The following UBE2F variants were observed in gnomAD, a reference collection of about 807,000 sequenced individuals.
UBE2F encodes ubiquitin conjugating enzyme E2 F (putative), also known as NEDD8-conjugating enzyme UBE2F.
UBE2F carries 5 observed loss-of-function variants against 29.6 expected under a neutral mutation model. That is an observed-to-expected ratio of 0.17 (90% CI 0.09 to 0.36). The LOEUF is 0.36. Among genes scored for constraint, UBE2F ranks in the 10% least tolerant of loss-of-function variants. The pLI is 1.00. For missense variants in UBE2F, 141 were observed against 228.5 expected (o/e 0.62, Z 2.47); for synonymous variants, 66 against 81.8 (o/e 0.81, Z 1.04).
rs144473005 is a variant in UBE2F, at chr2:237,975,033, A to G, written c.118+1808A>G. Among the ~76,000 whole-genome samples the G allele has an allele frequency of 9.9e-5, 15 of 152,252 alleles. No homozygotes were observed. The East Asian group carries it at 2.9e-3, about 29-fold the overall frequency. ...GTGAGCCACCCGCCTCTGCCTCCCA[A>G]AGTGCTGGGATTACAGACGTGAGCC... On this transcript the variant is annotated intron_variant, in intron 2 of 9. Transcript: ENST00000272930.
rs975880418 is a variant in UBE2F at position 237,973,158 on chromosome 2, C to T, written c.51C>T (p.Ser17=). 3.1e-6 allele frequency: 5 copies of T among 1,613,934 alleles called. 1 individual carries two copies. The African/African-American group carries it at 6.7e-5, about 22-fold the overall frequency. The change falls in exon 2 of 10, where the codon TCC becomes TCT. Residue 17 remains serine (S), a synonymous_variant. Transcript: ENST00000272930. The part of the protein sequence containing the change: ...KLKRDDGLKG[S]RTAATASDST... ...AGCGTGACGATGGTCTCAAAGGGTC[C>T]CGGACGGCAGCCACAGCGTCCGACT...
rs532911791 is a variant in UBE2F at position 238,026,680 on chromosome 2, G to C, written c.353+1268G>C. On this transcript the variant is annotated intron_variant, in intron 6 of 9. Coordinates refer to ENST00000272930, the MANE Select transcript of UBE2F (RefSeq NM_080678.3). ...AATCTCCTGACCTTGTGATCTGCCC[G>C]CCTCGGCCTCCTAGAGTGCTGGGGT... is the stretch of plus-strand genomic sequence containing the variant. Among the ~76,000 whole-genome samples, 6 of 152,216 alleles carry C rather than the reference G, an allele frequency of 3.9e-5. No homozygotes were observed. In the South Asian group the frequency reaches 1.2e-3, roughly 32 times the overall value.
At chr2:238,024,100 A>G (rs2064357971) in intron 5 of UBE2F, among the ~76,000 whole-genome samples, 2 of 152,242 alleles carry the variant, frequency 1.3e-5, no homozygotes, top group South Asian at 4.1e-4. Context: ...CTATAAAGAA[A>G]AATGAGTATG....
At chr2:238,006,768 T>C (rs1374778124) in intron 4 of UBE2F, among the ~76,000 whole-genome samples, 9 of 150,226 alleles carry the variant, frequency 6.0e-5, no homozygotes, top group South Asian at 2.1e-4. Context: ...TCTTTTTTTT[T>C]TTTTTTTTGA....
At chr2:238,030,683 C>G in intron 7 of UBE2F, 70 bp downstream of exon 7, 1 of 1,197,430 alleles carries the variant, frequency 8.4e-7, no homozygotes, top group Non-Finnish European at 1.2e-6. Flanking sequence ...GCCAGCCTCC[C>G]GAGAAAGCAG....
chr2:238,008,906 A>G (rs1410022196), intron 4 of UBE2F, among the ~76,000 whole-genome samples: 1 of 152,230 alleles, frequency 6.6e-6, no homozygotes, highest in Non-Finnish European at 1.5e-5. Context: ...TCCCTTTTGT[A>G]GATCTAGATT....
Position 237,967,175 on chromosome 2 carries a change from C to A in UBE2F, c.-17+43C>A. The A allele has an allele frequency of 8.7e-7, 1 of 1,148,206 alleles. No individual in the cohort carries two copies. The highest frequency in any genetic ancestry group is 1.1e-6 in the Non-Finnish European group (1 of 934,456). The allele number at this position is 1,148,206 out of a possible 1,614,324, so 71.1% of individuals were successfully genotyped here. On this transcript the variant is annotated intron_variant, in intron 1 of 9. Transcript: ENST00000272930. The surrounding 1 kb of genome is among the most constrained non-coding windows in gnomAD (Gnocchi z 6.3). ...GGCTCTGCGGCGGGGCGAGGTGCGG[C>A]CGCCGGTGCACGGGCTGGCCTGCGG... is the stretch of plus-strand genomic sequence containing the variant.
chr2:238,011,308 T>TA (rs1278424081), intron 4 of UBE2F, among the ~76,000 whole-genome samples: 3 of 152,188 alleles, frequency 2.0e-5, no homozygotes, highest in African/African-American at 7.2e-5. Flanking sequence ...CTAGGCCTCT[T>TA]ACCGTACCCA....
intron 3 of UBE2F, among the ~76,000 whole-genome samples, chr2:237,993,717 A>G (rs1393950152): frequency 6.6e-6 from 1 of 152,224 alleles, no homozygotes; most frequent in Non-Finnish European, 1.5e-5. Context: ...TGTCTAAAAA[A>G]AAGTTTAGCA....
At chr2:237,975,106 T>A (rs200737410) in intron 2 of UBE2F, among the ~76,000 whole-genome samples, 6,069 of 110,554 alleles carry the variant, frequency 0.055, 371 homozygotes, top group African/African-American at 0.23. Flanking sequence ...TTCTTTAAAA[T>A]TTTTTTTTTT....
chr2:237,969,815 AG>A (rs1469467599), intron 1 of UBE2F, among the ~76,000 whole-genome samples: 2 of 152,208 alleles, frequency 1.3e-5, no homozygotes, highest in African/African-American at 4.8e-5. Flanking sequence ...AAGCCCCTAC[AG>A]GTGTTTGTGA....
chr2:238,005,288 T>C (rs963895028), intron 4 of UBE2F, among the ~76,000 whole-genome samples: 10 of 152,150 alleles, frequency 6.6e-5, no homozygotes, highest in African/African-American at 2.2e-4. Context: ...CTCCACCTCC[T>C]GGGCTCAAGT....
At chr2:237,972,542 T>C (rs74962591) in intron 1 of UBE2F, among the ~76,000 whole-genome samples, 13 of 2,850 alleles carry the variant, frequency 4.6e-3, no homozygotes, top group African/African-American at 0.022. Flanking sequence ...TAATTTTAAA[T>C]TTTTTTTTTT....
intron 6 of UBE2F, chr2:238,029,049 T>C (rs909934070): frequency 6.6e-6 from 1 of 152,162 alleles, no homozygotes; most frequent in Non-Finnish European, 1.5e-5. Flanking sequence ...GCATATGTGC[T>C]GCGGAAGTGA....
intron 3 of UBE2F, among the ~76,000 whole-genome samples, chr2:237,993,337 G>T (rs567251979): frequency 6.6e-6 from 1 of 152,214 alleles, no homozygotes; most frequent in African/African-American, 2.4e-5. Flanking sequence ...GATGTCTGTG[G>T]TGCTAAGAGA....
At chr2:238,002,282 A>G (rs942927290) in intron 4 of UBE2F, among the ~76,000 whole-genome samples, 2 of 151,812 alleles carry the variant, frequency 1.3e-5, no homozygotes, top group African/African-American at 4.8e-5. Flanking sequence ...TTTTGTTTTA[A>G]TTATACTTTA....
At chr2:238,033,359 C>T (rs888062630) in intron 8 of UBE2F, among the ~76,000 whole-genome samples, 6 of 152,172 alleles carry the variant, frequency 3.9e-5, no homozygotes, top group Non-Finnish European at 5.9e-5. Context: ...TTCATAAAGG[C>T]GCTTTTAAAG....
intron 2 of UBE2F, among the ~76,000 whole-genome samples, chr2:237,974,994 A>G (rs1038342802): frequency 6.7e-6 from 1 of 149,376 alleles, no homozygotes; most frequent in African/African-American, 2.5e-5. Context: ...CTAGTCTTGA[A>G]CTCCTGACCT....
intron 3 of UBE2F, among the ~76,000 whole-genome samples, chr2:237,993,087 A>G (rs921977354): frequency 6.6e-6 from 1 of 151,792 alleles, no homozygotes; most frequent in Non-Finnish European, 1.5e-5. Flanking sequence ...TCCCAGGTTC[A>G]GGCAATTCTC....
Sources: allele counts gnomAD v4.1 joint callset (sites outside exome capture counted in the v4.1 genomes callset), GRCh38; gene constraint gnomAD v4.1.1; non-coding constraint Gnocchi (gnomAD v3.1); transcripts MANE v1.5; gene names NCBI Gene and HGNC (gene_info 2026-07-23, HGNC 2026-07-21).